LIMD1: variants seen among roughly 807,000 people sequenced by gnomAD.
LIMD1 encodes the protein LIM domain-containing protein 1.
A neutral mutation model predicts 58.4 loss-of-function variants in LIMD1; 23 were observed. That is an observed-to-expected ratio of 0.39 (90% CI 0.28 to 0.56). The LOEUF (loss-of-function observed/expected upper bound fraction) is 0.56. Ranked by LOEUF, LIMD1 falls within the 20% of genes least tolerant of loss-of-function variation. The pLI, the probability that LIMD1 is intolerant of heterozygous loss-of-function variation, is 0.57. For synonymous variants in LIMD1, 334 were observed against 345.5 expected, an observed-to-expected ratio of 0.97 and a Z score of 0.37; for missense variants, 838 against 855.5, an observed-to-expected ratio of 0.98 and a Z score of 0.25.
chr3:45,631,246 G>A (rs1468754617), intron 1 of LIMD1, among the ~76,000 whole-genome samples: 1 of 151,382 alleles, frequency 6.6e-6, no homozygotes, highest in Non-Finnish European at 1.5e-5. Context: ...AAAAATATCT[G>A]TGAGTCCATA....
rs1701337671 is a variant in LIMD1 at position 45,595,575 on chromosome 3, C to T, written c.696C>T (p.Leu232=). The change falls in exon 1 of 8, where the codon CTC becomes CTT. Residue 232 remains leucine (L), a synonymous_variant. Transcript: ENST00000273317. Reference sequence around the variant, plus strand: ...ACCATCCCCTAAATCACCGACAGCTCTCCCTGAGCTCCAGCAGGTCTTCTG... The same window carrying T: ...ACCATCCCCTAAATCACCGACAGCTTTCCCTGAGCTCCAGCAGGTCTTCTG... ...CGDHPLNHRQ[L]SLSSSRSSEG... The T allele has an allele frequency of 6.2e-7, 1 of 1,614,114 alleles. No individual in the cohort carries two copies. Among genetic ancestry groups the T allele is most frequent in the Non-Finnish European group, 8.5e-7 (1 of 1,180,042 alleles).
chr3:45,619,611 C>T (rs1701611258), intron 1 of LIMD1, among the ~76,000 whole-genome samples: 1 of 151,990 alleles, frequency 6.6e-6, no homozygotes, highest in Non-Finnish European at 1.5e-5. Context: ...CCAGCCTGGC[C>T]AACATGGTAA....
intron 2 of LIMD1, among the ~76,000 whole-genome samples, chr3:45,648,654 T>G (rs1040269613): frequency 3.9e-5 from 6 of 152,208 alleles, no homozygotes; most frequent in African/African-American, 1.2e-4. Flanking sequence ...GAGGACCTGT[T>G]TTTTAAAGAA....
rs1440179610 is a variant in LIMD1, at chr3:45,670,231, G to A, written c.1641+1875G>A. Among the ~76,000 whole-genome samples, 3 of 152,142 alleles carry A rather than the reference G, an allele frequency of 2.0e-5. No homozygotes were observed. In the East Asian group the frequency reaches 5.8e-4, roughly 29 times the overall value. ...TTCTGACAAACCTACTTCATATGAAGTCAACATGCTCTGAATTTATGAGTA... is the reference window on the plus strand; with the variant it reads ...TTCTGACAAACCTACTTCATATGAAATCAACATGCTCTGAATTTATGAGTA... On this transcript the variant is annotated intron_variant, in intron 4 of 7. Transcript: ENST00000273317.
chr3:45,669,350 T>A (rs1227672926), intron 4 of LIMD1, among the ~76,000 whole-genome samples: 1 of 152,202 alleles, frequency 6.6e-6, no homozygotes, highest in African/African-American at 2.4e-5. Flanking sequence ...AACAGTTAAG[T>A]CCCTCTCTAA....
At chr3:45,666,634 G>A (rs1697523162) in intron 3 of LIMD1, among the ~76,000 whole-genome samples, 1 of 152,134 alleles carries the variant, frequency 6.6e-6, no homozygotes, top group Non-Finnish European at 1.5e-5. Flanking sequence ...GAGCTCTTCT[G>A]TGCTGCCACC....
intron 2 of LIMD1, among the ~76,000 whole-genome samples, chr3:45,653,356 C>G (rs1701993310): frequency 6.6e-6 from 1 of 152,150 alleles, no homozygotes; most frequent in African/African-American, 2.4e-5. Flanking sequence ...ATGAGGTGCA[C>G]TGGGCTGCGT....
intron 1 of LIMD1, among the ~76,000 whole-genome samples, chr3:45,596,768 G>A (rs1453950265): frequency 1.3e-5 from 2 of 151,874 alleles, no homozygotes; most frequent in African/African-American, 2.4e-5. Context: ...ACTGCCGTGT[G>A]TGTGTGTCTG....
Position 45,594,821 on chromosome 3 carries a change from A to G in LIMD1, c.-59A>G, listed in dbSNP as rs2125645023. 1 of 709,150 alleles carries G rather than the reference A, an allele frequency of 1.4e-6. No individual in the cohort carries two copies. Among genetic ancestry groups the G allele is most frequent in the Non-Finnish European group, 2.2e-6 (1 of 454,764 alleles). 43.9% of individuals were successfully genotyped at this position (709,150 alleles called of 1,614,324 possible). A position where few individuals can be genotyped will look rare whatever the true frequency, so the allele number is the denominator to read the frequency against. On this transcript the variant is annotated 5_prime_UTR_variant, in exon 1 of 8. Transcript: ENST00000273317. ...CACACACACACACACACACACACACACACACACACACACACACACACACGG... is the reference window on the plus strand; with the variant it reads ...CACACACACACACACACACACACACGCACACACACACACACACACACACGG...
intron 7 of LIMD1, among the ~76,000 whole-genome samples, chr3:45,675,724 T>C (rs992362727): frequency 6.6e-6 from 1 of 152,072 alleles, no homozygotes; most frequent in African/African-American, 2.4e-5. Flanking sequence ...GTTCAAAATA[T>C]CCAGCCAGGC....
chr3:45,641,223 A>G (rs572764698), intron 2 of LIMD1, among the ~76,000 whole-genome samples: 95 of 152,300 alleles, frequency 6.2e-4, no homozygotes, highest in Admixed American at 3.3e-3. Flanking sequence ...AAACCTGGCT[A>G]TGGAGCTGGC....
intron 1 of LIMD1, among the ~76,000 whole-genome samples, chr3:45,604,550 C>A (rs1365503489): frequency 6.6e-6 from 1 of 152,200 alleles, no homozygotes; most frequent in Non-Finnish European, 1.5e-5. Flanking sequence ...TCACACTCCT[C>A]TCACTGTGAC....
At chr3:45,628,858 G>A (rs761493222) in intron 1 of LIMD1, among the ~76,000 whole-genome samples, 3 of 152,204 alleles carry the variant, frequency 2.0e-5, no homozygotes, top group Non-Finnish European at 4.4e-5. Flanking sequence ...GCATGTAACA[G>A]CATGCGTGAA....
At position 45,614,456 on chromosome 3, in the gene LIMD1, C is replaced by T. The variant is rs892621149; in HGVS notation, c.1408+18169C>T. On this transcript the variant is annotated intron_variant, in intron 1 of 7. Transcript: ENST00000273317. ...AATCCTCTGCCCGGGTGCTGTGGTT[C>T]ACGCACTTTGTAATCCCAGCACTTT... 3.3e-4 allele frequency among the ~76,000 whole-genome samples: 50 copies of T among 149,668 alleles called. 1 individual carries two copies. The highest frequency in any genetic ancestry group is 1.3e-3 in the Admixed American group (19 of 15,030).
chr3:45,678,808 C>T lies in LIMD1; in HGVS notation c.*1749C>T, dbSNP rs1697703610. ...TTTGGTAACCATTGCCTGTAAGCAG[C>T]ACAGAATTGGTGCCATGGATTATCT... On this transcript the variant is annotated 3_prime_UTR_variant, in exon 8 of 8. Transcript: ENST00000273317. 1 of 152,220 alleles carries T rather than the reference C, an allele frequency of 6.6e-6. No homozygotes were observed. Among genetic ancestry groups the T allele is most frequent in the Non-Finnish European group, 1.5e-5 (1 of 68,046 alleles). 9.4% of individuals were successfully genotyped at this position (152,220 alleles called of 1,614,324 possible). A position where few individuals can be genotyped will look rare whatever the true frequency, so the allele number is the denominator to read the frequency against.
intron 2 of LIMD1, among the ~76,000 whole-genome samples, chr3:45,636,809 C>T (rs1053328638): frequency 1.3e-5 from 2 of 152,124 alleles, no homozygotes; most frequent in Non-Finnish European, 2.9e-5. Context: ...TCTTTGTACT[C>T]CAGTACATGC....
chr3:45,658,532 A>G (rs1354662151), intron 2 of LIMD1, among the ~76,000 whole-genome samples: 1 of 72,138 alleles, frequency 1.4e-5, no homozygotes, highest in African/African-American at 4.5e-5. Flanking sequence ...CACCATGCAG[A>G]TTCTTTTTTT....
chr3:45,645,499 G>A (rs989124736), intron 2 of LIMD1, among the ~76,000 whole-genome samples: 2 of 152,124 alleles, frequency 1.3e-5, no homozygotes, highest in Non-Finnish European at 2.9e-5. Flanking sequence ...CCTTTCCTCC[G>A]TGGTAGTCCC....
chr3:45,677,500 T>G lies in LIMD1; in HGVS notation c.*441T>G. ...TCAGGAAAATACCTATACCCAAATG[T>G]TCCCTCCCCCGACATATATCATGGC... is the stretch of plus-strand genomic sequence containing the variant. On this transcript the variant is annotated 3_prime_UTR_variant, in exon 8 of 8. Coordinates refer to ENST00000273317, the MANE Select transcript of LIMD1 (RefSeq NM_014240.3). 1 of 155,768 alleles carries G rather than the reference T, an allele frequency of 6.4e-6. No homozygotes were observed. The highest frequency in any genetic ancestry group is 1.4e-5 in the Non-Finnish European group (1 of 70,102). 9.6% of individuals were successfully genotyped at this position (155,768 alleles called of 1,614,324 possible). A position where few individuals can be genotyped will look rare whatever the true frequency, so the allele number is the denominator to read the frequency against.
Sources: allele counts gnomAD v4.1 joint callset (sites outside exome capture counted in the v4.1 genomes callset), GRCh38; gene constraint gnomAD v4.1.1; transcripts MANE v1.5; gene names NCBI Gene and HGNC (gene_info 2026-07-23, HGNC 2026-07-21).